The following PIGZ variants were observed in gnomAD, a reference collection of about 807,000 sequenced individuals.
PIGZ encodes the protein phosphatidylinositol glycan anchor biosynthesis class Z (Gwada blood group).
Under a neutral mutation model 16.4 loss-of-function variants are expected in PIGZ, and 16 were observed. That is an observed-to-expected ratio of 0.97 (90% CI 0.66 to 1.48). The LOEUF is 1.48. PIGZ is among the 40% of genes most tolerant of loss of function. PIGZ has a pLI of 0.00. For missense variants in PIGZ, 770 were observed against 739.2 expected, an observed-to-expected ratio of 1.04 and a Z score of -0.48; for synonymous variants, 409 against 338.4, an observed-to-expected ratio of 1.21 and a Z score of -2.29.
chr3:196,951,878 G>A lies in PIGZ; in HGVS notation c.154C>T (p.Pro52Ser). Residue 52 changes from proline (P) to serine (S), a missense_variant, in exon 2 of 3, where the codon CCG (proline) becomes TCG (serine). Transcript: ENST00000412723. ...TCTGGGTGCACATAGCCCGTCTGCG[G>A]AAGGAGACACCACAGCACTCGGAGC... ...SLLRVLWCLL[P>S]QTGYVHPDEF... The A allele has an allele frequency of 6.2e-7, 1 of 1,614,180 alleles. No individual in the cohort carries two copies. Among genetic ancestry groups the A allele is most frequent in the Non-Finnish European group, 8.5e-7 (1 of 1,180,044 alleles).
intron 1 of PIGZ, among the ~76,000 whole-genome samples, chr3:196,954,582 T>C (rs1717409705): frequency 6.6e-6 from 1 of 152,240 alleles, no homozygotes; most frequent in Admixed American, 6.5e-5. Flanking sequence ...TGGGTGATTA[T>C]TTCATTGTTT....
Position 196,968,771 on chromosome 3 carries a change from G to T in PIGZ, c.-85C>A, listed in dbSNP as rs1268968174. On this transcript the variant is annotated 5_prime_UTR_variant, in exon 1 of 3. Coordinates refer to ENST00000412723, the MANE Select transcript of PIGZ (RefSeq NM_025163.4). ...GGTCCCAGGAGGCCCCGGAGGCGGC[G>T]GGACCGCAGGGCGGAGGGGAGGCCG... 1 of 151,752 alleles carries T rather than the reference G, an allele frequency of 6.6e-6. No homozygotes were observed. The highest frequency in any genetic ancestry group is 3.4e-3 in the Middle Eastern group (1 of 296). 9.4% of individuals were successfully genotyped at this position (151,752 alleles called of 1,614,324 possible). A position where few individuals can be genotyped will look rare whatever the true frequency, so the allele number is the denominator to read the frequency against.
rs1286959868 is a variant in PIGZ at position 196,967,113 on chromosome 3, G to C, written c.-1+1574C>G. ...AGCAGAAACCACTGTGCTGGGCGCG[G>C]GGGGAGGCCGGGAAAGACAGCACAT... On this transcript the variant is annotated intron_variant, in intron 1 of 2. Transcript: ENST00000412723. Among the ~76,000 whole-genome samples, 6 of 152,116 alleles carry C rather than the reference G, an allele frequency of 3.9e-5. 1 individual carries two copies. Among genetic ancestry groups the C allele is most frequent in the South Asian group, 2.1e-4 (1 of 4,820 alleles).
chr3:196,950,538 A>C (rs4347982), intron 2 of PIGZ, among the ~76,000 whole-genome samples: 53,852 of 151,900 alleles, frequency 0.35, 10,506 homozygotes, highest in East Asian at 0.83. Flanking sequence ...ATTTCTCCAG[A>C]CTTTCAGCTG....
chr3:196,951,735 T>C, intron 2 of PIGZ, 86 bp downstream of exon 2: 1 of 1,303,750 alleles, frequency 7.7e-7, no homozygotes, highest in African/African-American at 1.5e-5. Context: ...TACCCAGACA[T>C]GCTACTCCCT....
At chr3:196,951,762 G>T (rs545908206) in intron 2 of PIGZ, 59 bp downstream of exon 2, 4 of 1,555,006 alleles carry the variant, frequency 2.6e-6, no homozygotes, top group African/African-American at 2.7e-5. Context: ...AAAGTCTCCC[G>T]TCAGCTTCTC....
At chr3:196,957,171 T>TTGTGTGTGTGTGTGTG in intron 1 of PIGZ, among the ~76,000 whole-genome samples, 1 of 146,706 alleles carries the variant, frequency 6.8e-6, no homozygotes, top group South Asian at 2.2e-4. Flanking sequence ...GCTCCAGGTT[T>TTGTGTGTGTGTGTGTG]TGTGTGTGTG....
chr3:196,947,124 T>C lies in PIGZ; in HGVS notation c.*33A>G. 6.6e-7 allele frequency: 1 copy of C among 1,511,686 alleles called. No individual in the cohort carries two copies. Among genetic ancestry groups the C allele is most frequent in the Non-Finnish European group, 8.9e-7 (1 of 1,128,016 alleles). 93.6% of individuals were successfully genotyped at this position (1,511,686 alleles called of 1,614,324 possible). A position where few individuals can be genotyped will look rare whatever the true frequency, so the allele number is the denominator to read the frequency against. On this transcript the variant is annotated 3_prime_UTR_variant, in exon 3 of 3. Coordinates refer to ENST00000412723, the MANE Select transcript of PIGZ (RefSeq NM_025163.4). ...AAGGTGGGGCGGCATCTTCTATGGC[T>C]GAGTCTTGGGCAGTGGGTGCTCTGT... is the stretch of plus-strand genomic sequence containing the variant.
At chr3:196,955,416 A>G (rs1285168229) in intron 1 of PIGZ, among the ~76,000 whole-genome samples, 1 of 152,082 alleles carries the variant, frequency 6.6e-6, no homozygotes, top group Non-Finnish European at 1.5e-5. Context: ...TTATTGGAAA[A>G]TTGAATATCT....
chr3:196,949,992 T>C (rs1401964143), intron 2 of PIGZ, among the ~76,000 whole-genome samples: 1 of 143,180 alleles, frequency 7.0e-6, no homozygotes, highest in Non-Finnish European at 1.5e-5. Flanking sequence ...AATACTTAAA[T>C]TTTTTTTTTT....
chr3:196,949,007 T>C lies in PIGZ; in HGVS notation c.212-322A>G, dbSNP rs1390935884. On this transcript the variant is annotated intron_variant, in intron 2 of 2. Coordinates refer to ENST00000412723, the MANE Select transcript of PIGZ (RefSeq NM_025163.4). ...CTTCCCTTCCTTCCCTTTACTTCTC[T>C]TTCCCTCCCCTCCCTTCCCTTCCTT... 4.7e-3 allele frequency among the ~76,000 whole-genome samples: 100 copies of C among 21,226 alleles called. 13 individuals carry two copies. The East Asian group carries it at 0.1, about 22-fold the overall frequency. 13.9% of individuals were successfully genotyped at this position (21,226 alleles called of 152,430 possible).
At position 196,950,524 on chromosome 3, in the gene PIGZ, A is replaced by G. The variant is rs547902043; in HGVS notation, c.211+1297T>C. Among the ~76,000 whole-genome samples the G allele has an allele frequency of 3.3e-5, 5 of 152,282 alleles. No homozygotes were observed. In the South Asian group the frequency reaches 8.3e-4, roughly 25 times the overall value. ...ATCATTCGGGCTCTTTGATTCTGCTACTTATTTCTCCAGACTTTCAGCTGT... is the reference window on the plus strand; with the variant it reads ...ATCATTCGGGCTCTTTGATTCTGCTGCTTATTTCTCCAGACTTTCAGCTGT... On this transcript the variant is annotated intron_variant, in intron 2 of 2. Coordinates refer to ENST00000412723, the MANE Select transcript of PIGZ (RefSeq NM_025163.4).
intron 1 of PIGZ, among the ~76,000 whole-genome samples, chr3:196,960,474 C>T (rs774112244): frequency 6.6e-6 from 1 of 151,948 alleles, no homozygotes; most frequent in African/African-American, 2.4e-5. Flanking sequence ...GAGTTTGAGA[C>T]CAGCCTGGCC....
At chr3:196,961,172 A>C (rs13327045) in intron 1 of PIGZ, among the ~76,000 whole-genome samples, 25,270 of 152,120 alleles carry the variant, frequency 0.17, 2,539 homozygotes, top group Middle Eastern at 0.28. Flanking sequence ...TGGCTTTCTA[A>C]CCCTGAGTCA....
rs543871981 is a variant in PIGZ at position 196,961,988 on chromosome 3, C to T, written c.-1+6699G>A. On this transcript the variant is annotated intron_variant, in intron 1 of 2. Transcript: ENST00000412723. ...TGGAAACCACTAATCTTCTTTCTGT[C>T]TCTATAGAATTCCCTATCCTGAACT... 2.0e-5 allele frequency among the ~76,000 whole-genome samples: 3 copies of T among 152,294 alleles called. No individual in the cohort carries two copies. In the South Asian group the frequency reaches 6.2e-4, roughly 32 times the overall value.
chr3:196,947,459 C>CT lies in PIGZ; in HGVS notation c.1437_1438insA (p.Ala480SerfsTer12). 1.9e-6 allele frequency: 3 copies of CT among 1,613,504 alleles called. No individual in the cohort carries two copies. Among genetic ancestry groups the CT allele is most frequent in the Non-Finnish European group, 2.5e-6 (3 of 1,179,900 alleles). On this transcript the variant is annotated frameshift_variant, in exon 3 of 3. Coordinates refer to ENST00000412723, the MANE Select transcript of PIGZ (RefSeq NM_025163.4). LOFTEE classifies it high-confidence loss of function. Reference sequence around the variant, plus strand: ...CCCATGTCCACCACCTCCACTGGTGCCCCCAGGCCTGGGAGGTGTAGGAGG... The same window carrying CT: ...CCCATGTCCACCACCTCCACTGGTGCTCCCCAGGCCTGGGAGGTGTAGGAGG...
At chr3:196,958,219 C>A (rs1717574113) in intron 1 of PIGZ, among the ~76,000 whole-genome samples, 1 of 107,856 alleles carries the variant, frequency 9.3e-6, no homozygotes, top group African/African-American at 3.7e-5. Flanking sequence ...TCCTGTTTAA[C>A]AACCTTTATT....
chr3:196,963,010 G>C (rs958733921), intron 1 of PIGZ, among the ~76,000 whole-genome samples: 1 of 152,212 alleles, frequency 6.6e-6, no homozygotes, highest in African/African-American at 2.4e-5. Context: ...TCTCCACCTT[G>C]CGAGAAATAC....
intron 1 of PIGZ, among the ~76,000 whole-genome samples, chr3:196,967,209 C>T (rs1193310699): frequency 2.0e-5 from 3 of 152,110 alleles, no homozygotes; most frequent in South Asian, 4.1e-4. Flanking sequence ...GATGGGGACA[C>T]GTGTCCAGCT....
Sources: allele counts gnomAD v4.1 joint callset (sites outside exome capture counted in the v4.1 genomes callset), GRCh38; gene constraint gnomAD v4.1.1; transcripts MANE v1.5; gene names NCBI Gene and HGNC (gene_info 2026-07-23, HGNC 2026-07-21).